The following LRIF1 variants were observed in gnomAD, a reference collection of about 807,000 sequenced individuals.
The protein encoded by LRIF1 is ligand-dependent nuclear receptor-interacting factor 1.
A neutral mutation model predicts 52.7 loss-of-function variants in LRIF1; 32 were observed. The ratio of observed to expected loss-of-function variants is 0.61; its 90% confidence interval spans 0.46 to 0.82. The LOEUF (loss-of-function observed/expected upper bound fraction) is 0.82. LRIF1 is among the 40% of genes least tolerant of loss of function. The pLI is 0.00. For synonymous variants in LRIF1, 323 were observed against 317.4 expected (o/e 1.02, Z -0.19); for missense variants, 887 against 892.0 (o/e 0.99, Z 0.07).
At chr1:110,875,595 A>G in the LRIF1 span, among the ~76,000 whole-genome samples, 111,490 of 152,060 alleles carry the variant, frequency 0.73, 43,010 homozygotes, top group Non-Finnish European at 0.85. Context: ...TTCTTGTACC[A>G]AGCAAGCATC....
At chr1:110,957,486 A>AAAAAAAAAAAAAAAAAAAC in intron 1 of LRIF1, among the ~76,000 whole-genome samples, 1 of 149,010 alleles carries the variant, frequency 6.7e-6, no homozygotes, top group East Asian at 2.0e-4. Context: ...AAAAAAAAAA[A>AAAAAAAAAAAAAAAAAAAC]AAAAAAGACT....
chr1:110,962,089 CACACACAAAGT>C (rs917719842), intron 1 of LRIF1, among the ~76,000 whole-genome samples: 2 of 151,600 alleles, frequency 1.3e-5, no homozygotes, highest in African/African-American at 4.9e-5. Context: ...CACACACACA[CACACACAAAGT>C]AAAGTTGTTT....
the LRIF1 span, among the ~76,000 whole-genome samples, chr1:110,922,404 T>A: frequency 1.3e-5 from 2 of 152,240 alleles, no homozygotes; most frequent in African/African-American, 2.4e-5. Flanking sequence ...ATGTTGGGGC[T>A]TTGATCATGG....
the LRIF1 span, chr1:110,894,235 T>G: frequency 0.71 from 727,414 of 1,022,486 alleles, 265,355 homozygotes; most frequent in Admixed American, 0.76. Flanking sequence ...CACCCTGTAC[T>G]CGTGCAAATG....
chr1:110,919,813 C>T, the LRIF1 span, among the ~76,000 whole-genome samples: 1 of 152,090 alleles, frequency 6.6e-6, no homozygotes, highest in Non-Finnish European at 1.5e-5. Flanking sequence ...GACAAAGGGT[C>T]GTTATCCAAA....
At chr1:110,948,647 T>C (rs1658316796) in intron 3 of LRIF1, among the ~76,000 whole-genome samples, 12 of 152,246 alleles carry the variant, frequency 7.9e-5, no homozygotes, top group Admixed American at 7.9e-4. Flanking sequence ...TTAGAAGGCA[T>C]ACTGACTCAC....
At chr1:110,887,164 C>T in the LRIF1 span, among the ~76,000 whole-genome samples, 7 of 151,910 alleles carry the variant, frequency 4.6e-5, no homozygotes, top group African/African-American at 1.2e-4. Flanking sequence ...CCCGGGTTCA[C>T]GCCATTCTCC....
Position 110,948,264 on chromosome 1 carries a change from T to G in LRIF1, c.2005A>C (p.Ile669Leu). ...TGTGACACATCTGAAGTTGGTAAAATACTGCTTAGGAGTTGGGAACCGGTG... is the reference window on the plus strand; with the variant it reads ...TGTGACACATCTGAAGTTGGTAAAAGACTGCTTAGGAGTTGGGAACCGGTG... The part of the protein sequence containing the change: ...NVTGSQLLSS[I>L]LPTSDVSQHN... The change falls in exon 4 of 4, where the codon ATT becomes CTT. Residue 669 changes from isoleucine to leucine, a missense_variant. Ile to Leu is a conservative substitution (Grantham distance 5, BLOSUM62 2). Transcript: ENST00000369763. 1 of 1,614,136 alleles carries G rather than the reference T, an allele frequency of 6.2e-7. No individual in the cohort carries two copies. Among genetic ancestry groups the G allele is most frequent in the Non-Finnish European group, 8.5e-7 (1 of 1,180,006 alleles).
intron 1 of LRIF1, 81 bp from the exon 2 acceptor site, chr1:110,952,896 TTGTAAA>T: frequency 1.3e-6 from 1 of 785,716 alleles, no homozygotes; most frequent in Non-Finnish European, 1.7e-6. Context: ...TTGTAAATAT[TTGTAAA>T]TATTAAAATA....
At chr1:110,885,572 G>A in the LRIF1 span, among the ~76,000 whole-genome samples, 1 of 148,856 alleles carries the variant, frequency 6.7e-6, no homozygotes, top group Non-Finnish European at 1.5e-5. Flanking sequence ...AACAAAAAAA[G>A]AGATTTAAGA....
the LRIF1 span, among the ~76,000 whole-genome samples, chr1:110,896,047 T>C: frequency 1.3e-5 from 2 of 152,242 alleles, no homozygotes; most frequent in African/African-American, 4.8e-5. Context: ...TGTGTTTATA[T>C]TTGAATGATA....
the LRIF1 span, among the ~76,000 whole-genome samples, chr1:110,914,843 C>T: frequency 1.3e-5 from 2 of 152,140 alleles, no homozygotes; most frequent in Non-Finnish European, 2.9e-5. Context: ...CCTCAGGAAA[C>T]CTGATTAACT....
At chr1:110,894,847 G>T in the LRIF1 span, 1 of 769,368 alleles carries the variant, frequency 1.3e-6, no homozygotes, top group Admixed American at 2.0e-5. Context: ...GTTCTGAGGA[G>T]ACCATTTGGA....
In LRIF1 at chr1:110,963,711, C is replaced by T; in HGVS notation, c.-23G>A. The stretch of plus-strand genomic sequence containing the variant: ...CATTTTAGTGGGGAGAAAGGGGACA[C>T]CTCATCCAGAAAAGTGGGAAGCGTG... On this transcript the variant is annotated 5_prime_UTR_variant, in exon 1 of 4. It adds an upstream start codon to the 5' untranslated region. Coordinates refer to ENST00000369763, the MANE Select transcript of LRIF1 (RefSeq NM_018372.4). 6.3e-7 allele frequency: 1 copy of T among 1,581,588 alleles called. No homozygotes were observed. The highest frequency in any genetic ancestry group is 8.7e-7 in the Non-Finnish European group (1 of 1,154,960).
chr1:110,930,467 C>T, the LRIF1 span, among the ~76,000 whole-genome samples: 1 of 152,170 alleles, frequency 6.6e-6, no homozygotes, highest in Non-Finnish European at 1.5e-5. Context: ...TACCTTCTCA[C>T]TGTTTCCTTA....
the LRIF1 span, among the ~76,000 whole-genome samples, chr1:110,895,794 T>C: frequency 0.64 from 97,082 of 152,012 alleles, 33,136 homozygotes; most frequent in Non-Finnish European, 0.77. Flanking sequence ...CTCCCAACTC[T>C]TCAATAGTTA....
chr1:110,948,171 G>A lies in LRIF1; in HGVS notation c.2098C>T (p.His700Tyr). The A allele has an allele frequency of 6.2e-7, 1 of 1,613,994 alleles. No homozygotes were observed. Among genetic ancestry groups the A allele is most frequent in the Non-Finnish European group, 8.5e-7 (1 of 1,179,978 alleles). ...EKRTEMEYYT[H>Y]EKQEKGTLNS... ...AAAGTGCCTTTCTCTTGCTTCTCAT[G>A]GGTATAGTATTCCATCTCAGTTCTC... The change falls in exon 4 of 4, where the codon CAT (histidine) becomes TAT (tyrosine). Residue 700 changes from histidine (H) to tyrosine (Y), a missense_variant. Transcript: ENST00000369763.
At chr1:110,892,313 G>C in the LRIF1 span, 1 of 1,558,974 alleles carries the variant, frequency 6.4e-7, no homozygotes, top group Non-Finnish European at 8.9e-7. Context: ...ACCACATTTT[G>C]CTTCAGGATG....
intron 1 of LRIF1, among the ~76,000 whole-genome samples, chr1:110,960,343 GAC>G (rs1204313888): frequency 6.6e-6 from 1 of 151,852 alleles, no homozygotes; most frequent in Admixed American, 6.6e-5. Flanking sequence ...CACACACACA[GAC>G]ACACTCAAAT....
Sources: allele counts gnomAD v4.1 joint callset (sites outside exome capture counted in the v4.1 genomes callset), GRCh38; gene constraint gnomAD v4.1.1; transcripts MANE v1.5; gene names NCBI Gene and HGNC (gene_info 2026-07-23, HGNC 2026-07-21).